MAGI3: variants seen among roughly 807,000 people sequenced by gnomAD.
MAGI3 encodes membrane associated guanylate kinase, WW and PDZ domain containing 3, also known as membrane-associated guanylate kinase, WW and PDZ domain-containing protein 3.
A neutral mutation model predicts 121.8 loss-of-function variants in MAGI3; 43 were observed. That is an observed-to-expected ratio of 0.35 (90% CI 0.28 to 0.46). The LOEUF (loss-of-function observed/expected upper bound fraction) is 0.46. Ranked by LOEUF, MAGI3 falls within the 20% of genes least tolerant of loss-of-function variation. MAGI3 has a pLI of 1.00. For synonymous variants in MAGI3, 553 were observed against 639.3 expected (o/e 0.86, Z 2.04); for missense variants, 1,547 against 1,797.3 (o/e 0.86, Z 2.52).
At chr1:113,523,541 T>G (rs939852869) in intron 1 of MAGI3, among the ~76,000 whole-genome samples, 1 of 152,194 alleles carries the variant, frequency 6.6e-6, no homozygotes, top group Non-Finnish European at 1.5e-5. Context: ...ACTCTTGTTA[T>G]GTTTTAGCAA....
At chr1:113,634,928 C>A (rs2101809393) in intron 9 of MAGI3, among the ~76,000 whole-genome samples, 1 of 152,154 alleles carries the variant, frequency 6.6e-6, no homozygotes, top group Admixed American at 6.5e-5. Flanking sequence ...GTTTGTAGTT[C>A]TCCTTGAAGA....
intron 1 of MAGI3, among the ~76,000 whole-genome samples, chr1:113,427,435 C>T (rs545525938): frequency 6.6e-6 from 1 of 152,314 alleles, no homozygotes; most frequent in East Asian, 1.9e-4. Flanking sequence ...CATAAACTCT[C>T]TTGCCTTTGG....
intron 1 of MAGI3, among the ~76,000 whole-genome samples, chr1:113,418,899 T>A (rs1299932525): frequency 6.6e-6 from 1 of 152,160 alleles, no homozygotes; most frequent in African/African-American, 2.4e-5. Flanking sequence ...TTTAAAGATT[T>A]TAAAGTGAAT....
chr1:113,633,672 T>G (rs1651812059), intron 9 of MAGI3, among the ~76,000 whole-genome samples: 1 of 152,308 alleles, frequency 6.6e-6, no homozygotes, highest in East Asian at 1.9e-4. Context: ...TCTTTGCTAT[T>G]GTGAATAGTG....
Position 113,675,646 on chromosome 1 carries a change from G to A in MAGI3, c.3189+2181G>A, listed in dbSNP as rs1217406727. Among the ~76,000 whole-genome samples the A allele has an allele frequency of 2.6e-5, 4 of 152,148 alleles. No individual in the cohort carries two copies. In the East Asian group the frequency reaches 7.7e-4, roughly 29 times the overall value. On this transcript the variant is annotated intron_variant, in intron 19 of 20. Coordinates refer to ENST00000307546, the MANE Select transcript of MAGI3 (RefSeq NM_001142782.2). ...GAATATTTAGAGAGTACTTAGCCAA[G>A]GGCAGAGCTCTGAGCAAGGCATGTA...
intron 1 of MAGI3, among the ~76,000 whole-genome samples, chr1:113,410,493 A>G (rs1651918188): frequency 1.3e-5 from 2 of 152,078 alleles, no homozygotes; most frequent in South Asian, 4.1e-4. Flanking sequence ...TGGTCAAAAA[A>G]TGTGAACTTT....
At chr1:113,581,449 T>A (rs1239895494) in intron 3 of MAGI3, among the ~76,000 whole-genome samples, 1 of 152,140 alleles carries the variant, frequency 6.6e-6, no homozygotes, top group African/African-American at 2.4e-5. Context: ...ATCATTTCTC[T>A]CTTTAGCAGC....
intron 4 of MAGI3, among the ~76,000 whole-genome samples, chr1:113,585,967 A>G (rs1648341139): frequency 6.6e-6 from 1 of 152,224 alleles, no homozygotes; most frequent in South Asian, 2.1e-4. Flanking sequence ...TTCAGCCTAA[A>G]CAAAGTAAAT....
chr1:113,606,752 T>G (rs962555802), intron 6 of MAGI3, among the ~76,000 whole-genome samples: 1 of 152,204 alleles, frequency 6.6e-6, no homozygotes, highest in African/African-American at 2.4e-5. Flanking sequence ...TAATCATCTA[T>G]GCCAAAATCT....
intron 9 of MAGI3, among the ~76,000 whole-genome samples, chr1:113,624,951 C>T (rs962546207): frequency 6.6e-6 from 1 of 152,086 alleles, no homozygotes; most frequent in Non-Finnish European, 1.5e-5. Flanking sequence ...TTCCTAGAAC[C>T]ATTGAAGAGA....
At chr1:113,437,904 C>T (rs1413941488) in intron 1 of MAGI3, among the ~76,000 whole-genome samples, 7 of 3,870 alleles carry the variant, frequency 1.8e-3, no homozygotes, top group East Asian at 0.042. Flanking sequence ...TTCTCCTTCT[C>T]CTTCTCCTTC....
chr1:113,476,516 A>T (rs1655828881), intron 1 of MAGI3, among the ~76,000 whole-genome samples: 1 of 152,166 alleles, frequency 6.6e-6, no homozygotes, highest in African/African-American at 2.4e-5. Context: ...TTCAGTTTCC[A>T]TGAAGTTGTG....
chr1:113,556,551 GA>G (rs1314261870), intron 2 of MAGI3, among the ~76,000 whole-genome samples: 2 of 132,644 alleles, frequency 1.5e-5, no homozygotes, highest in African/African-American at 5.1e-5. Flanking sequence ...GTATGATAAA[GA>G]TTTTTTTTTT....
rs985101956 is a variant in MAGI3 at position 113,422,309 on chromosome 1, A to T, written c.316+30960A>T. Among the ~76,000 whole-genome samples the T allele has an allele frequency of 4.6e-5, 7 of 152,198 alleles. No homozygotes were observed. The highest frequency in any genetic ancestry group is 1.4e-4 in the African/African-American group (6 of 41,446). ...TAGTTTTACTTCTATTCATTTGTGCATGTGTATGTGTGACAGCATCCTTAG... is the reference window on the plus strand; with the variant it reads ...TAGTTTTACTTCTATTCATTTGTGCTTGTGTATGTGTGACAGCATCCTTAG... On this transcript the variant is annotated intron_variant, in intron 1 of 20. Transcript: ENST00000307546. This position sits in a 1 kb window ranked among gnomAD's most constrained non-coding sequence, Gnocchi z 4.3.
chr1:113,469,413 T>C (rs551473825), intron 1 of MAGI3, among the ~76,000 whole-genome samples: 119 of 152,298 alleles, frequency 7.8e-4, no homozygotes, highest in Non-Finnish European at 1.2e-3. Flanking sequence ...GGGGGACTTT[T>C]TGATGCCTCT....
chr1:113,575,292 AT>A (rs1647556184), intron 2 of MAGI3, among the ~76,000 whole-genome samples: 1 of 152,070 alleles, frequency 6.6e-6, no homozygotes, highest in Non-Finnish European at 1.5e-5. Context: ...AATTTTCAGC[AT>A]TTTTGTACTG....
At position 113,646,626 on chromosome 1, in the gene MAGI3, T is replaced by A; in HGVS notation, c.2139T>A (p.Thr713=). The A allele has an allele frequency of 6.3e-7, 1 of 1,592,634 alleles. No individual in the cohort carries two copies. The highest frequency in any genetic ancestry group is 8.5e-7 in the Non-Finnish European group (1 of 1,171,972). The change falls in exon 12 of 21, where the codon ACT becomes ACA. Residue 713 remains threonine (T), a synonymous_variant. Transcript: ENST00000307546. Reference sequence around the variant, plus strand: ...CTGAGGTCTACCTGAAATCTAAGACTTTATATGAAGATAAACGTAAGTAGT... The same window carrying A: ...CTGAGGTCTACCTGAAATCTAAGACATTATATGAAGATAAACGTAAGTAGT... ...DPSEVYLKSK[T]LYEDKPPNTK...
chr1:113,463,218 C>A (rs1655116040), intron 1 of MAGI3, among the ~76,000 whole-genome samples: 2 of 151,704 alleles, frequency 1.3e-5, no homozygotes, highest in African/African-American at 4.8e-5. Flanking sequence ...GAAATCTAAA[C>A]CTCAGAAGAG....
At position 113,549,520 on chromosome 1, in the gene MAGI3, G is replaced by T. The variant is rs1246799275; in HGVS notation, c.322G>T (p.Val108Phe). The T allele has an allele frequency of 2.6e-6, 4 of 1,538,720 alleles. No individual in the cohort carries two copies. Among genetic ancestry groups the T allele is most frequent in the Non-Finnish European group, 2.7e-6 (3 of 1,129,362 alleles). The stretch of plus-strand genomic sequence containing the variant: ...TTTTTTTGTCTTTGCTCCAGGCAAA[G>T]TCATTAATAAAGATTTGCGGCATTA... ...IRLKTVKPGK[V>F]INKDLRHYLS... The change falls in exon 2 of 21, where the codon GTC (valine) becomes TTC (phenylalanine). Residue 108 changes from valine (V) to phenylalanine (F), a missense_variant. Coordinates refer to ENST00000307546, the MANE Select transcript of MAGI3 (RefSeq NM_001142782.2).
Sources: allele counts gnomAD v4.1 joint callset (sites outside exome capture counted in the v4.1 genomes callset), GRCh38; gene constraint gnomAD v4.1.1; non-coding constraint Gnocchi (gnomAD v3.1); transcripts MANE v1.5; gene names NCBI Gene and HGNC (gene_info 2026-07-23, HGNC 2026-07-21).